The following ZNF827 variants were observed in gnomAD, a reference collection of about 807,000 sequenced individuals.
The protein encoded by ZNF827 is zinc finger protein 827.
In ZNF827, 13 loss-of-function variants were observed where a neutral mutation model predicts 102.4. The ratio of observed to expected loss-of-function variants is 0.13; its 90% confidence interval spans 0.08 to 0.20. ZNF827 has a LOEUF of 0.20. Ranked by LOEUF, ZNF827 falls within the 10% of genes least tolerant of loss-of-function variation. The probability of loss-of-function intolerance (pLI) is 1.00; values close to 1 mark genes in which losing one functional copy is unlikely to be tolerated. For missense variants in ZNF827, 1,103 were observed against 1,344.4 expected, an observed-to-expected ratio of 0.82 and a Z score of 2.81; for synonymous variants, 523 against 536.2, an observed-to-expected ratio of 0.98 and a Z score of 0.34.
At chr4:145,844,484 A>G (rs1482184867) in intron 7 of ZNF827, among the ~76,000 whole-genome samples, 1 of 151,438 alleles carries the variant, frequency 6.6e-6, no homozygotes, top group East Asian at 2.0e-4. Context: ...GTTTGAGACC[A>G]GCCTGGGCAA....
At chr4:145,932,475 A>ATTTTTT (rs59749911) in intron 1 of ZNF827, among the ~76,000 whole-genome samples, 1 of 136,310 alleles carries the variant, frequency 7.3e-6, no homozygotes, top group Admixed American at 7.2e-5. Context: ...AACTCCTTGT[A>ATTTTTT]TTTTTTTTTT....
intron 5 of ZNF827, among the ~76,000 whole-genome samples, chr4:145,867,620 C>T (rs1242114561): frequency 6.6e-6 from 1 of 152,160 alleles, no homozygotes; most frequent in Non-Finnish European, 1.5e-5. Context: ...CTTAGCTACT[C>T]CTTGGGTCAA....
At position 145,758,106 on chromosome 4, in the gene ZNF827, T is replaced by TTAA. The variant is rs561925450; in HGVS notation, c.*3507_*3509dup. ...AAAATGCTGTAGATTTTTTTCTTTA[T>TTAA]TAATAACAATAATAATATAAAAAGT... On this transcript the variant is annotated 3_prime_UTR_variant, in exon 15 of 15. Coordinates refer to ENST00000508784, the MANE Select transcript of ZNF827 (RefSeq NM_001306215.2). 10 of 152,300 alleles carry TTAA rather than the reference T, an allele frequency of 6.6e-5. No homozygotes were observed. In the East Asian group the frequency reaches 1.9e-3, roughly 29 times the overall value. The allele number at this position is 152,300 out of a possible 1,614,324, so 9.4% of individuals were successfully genotyped here.
intron 1 of ZNF827, among the ~76,000 whole-genome samples, chr4:145,919,123 G>A (rs2058821152): frequency 6.6e-6 from 1 of 152,016 alleles, no homozygotes; most frequent in Non-Finnish European, 1.5e-5. Context: ...CAGGACTGGT[G>A]GCATACTCTA....
intron 7 of ZNF827, among the ~76,000 whole-genome samples, chr4:145,845,158 T>C (rs1204574472): frequency 2.6e-5 from 4 of 152,238 alleles, no homozygotes; most frequent in Non-Finnish European, 4.4e-5. Flanking sequence ...AGAATGGTCC[T>C]TCAAAGGTGG....
intron 1 of ZNF827, among the ~76,000 whole-genome samples, chr4:145,917,311 T>C (rs1377025025): frequency 1.3e-5 from 2 of 152,166 alleles, no homozygotes; most frequent in Admixed American, 6.5e-5. Flanking sequence ...CTGAAATGTA[T>C]TGGGTTCACA....
rs190295499 is a variant in ZNF827 at position 145,834,296 on chromosome 4, A to G, written c.2280-10771T>C. 7.7e-3 allele frequency among the ~76,000 whole-genome samples: 1,168 copies of G among 152,156 alleles called. 12 individuals carry two copies. The highest frequency in any genetic ancestry group is 0.026 in the African/African-American group (1,095 of 41,540). ...CTTCCTAGTCTCTGTGCCCAGTGCA[A>G]CTTGTCCCAAATCTTCCTTCTTTCC... On this transcript the variant is annotated intron_variant, in intron 7 of 14. Transcript: ENST00000508784.
intron 7 of ZNF827, chr4:145,834,996 T>G (rs1208150687): frequency 6.6e-6 from 1 of 152,030 alleles, no homozygotes; most frequent in Non-Finnish European, 1.5e-5. Flanking sequence ...CTCCAGAACC[T>G]CCTCCCACAG....
chr4:145,870,334 T>C lies in ZNF827; in HGVS notation c.1892A>G (p.Asp631Gly). ...SEVSAPGVSE[D>G]ALKPQEGKGS... is the part of the protein sequence containing the mutation. ...CTTCCCTTCCTGGGGCTTTAGTGCG[T>C]CCTCAGAGACGCCTGGGGCTGACAC... The change falls in exon 5 of 15, where the codon GAC becomes GGC. Residue 631 changes from aspartate (D) to glycine (G), a missense_variant. Transcript: ENST00000508784. The C allele has an allele frequency of 6.2e-7, 1 of 1,614,082 alleles. No individual in the cohort carries two copies. Among genetic ancestry groups the C allele is most frequent in the Non-Finnish European group, 8.5e-7 (1 of 1,179,994 alleles).
intron 1 of ZNF827, among the ~76,000 whole-genome samples, chr4:145,909,831 C>T (rs551787094): frequency 1.3e-4 from 20 of 152,288 alleles, no homozygotes; most frequent in African/African-American, 4.6e-4. Flanking sequence ...ATCCCCCACA[C>T]CAGGTCTGCC....
chr4:145,884,297 G>A (rs1749923096), intron 4 of ZNF827, among the ~76,000 whole-genome samples: 1 of 152,170 alleles, frequency 6.6e-6, no homozygotes, highest in African/African-American at 2.4e-5. Flanking sequence ...TGGTAAGGGG[G>A]ACATTCCAAA....
At chr4:145,893,493 A>G (rs1218175742) in intron 2 of ZNF827, among the ~76,000 whole-genome samples, 1 of 152,258 alleles carries the variant, frequency 6.6e-6, no homozygotes, top group Non-Finnish European at 1.5e-5. Context: ...AAACATGTCC[A>G]AGATATTAGC....
chr4:145,896,740 G>A (rs1378717694), intron 2 of ZNF827, among the ~76,000 whole-genome samples: 1 of 152,188 alleles, frequency 6.6e-6, no homozygotes, highest in Non-Finnish European at 1.5e-5. Flanking sequence ...ACAGATAAAT[G>A]TTCGTGTACT....
chr4:145,913,061 A>G (rs1752401267), intron 1 of ZNF827, among the ~76,000 whole-genome samples: 1 of 152,156 alleles, frequency 6.6e-6, no homozygotes, highest in African/African-American at 2.4e-5. Flanking sequence ...GTGAGGCTGG[A>G]AGGACTATGA....
intron 8 of ZNF827, among the ~76,000 whole-genome samples, chr4:145,812,025 C>T (rs1413409935): frequency 6.6e-6 from 1 of 152,062 alleles, no homozygotes; most frequent in Non-Finnish European, 1.5e-5. Flanking sequence ...AGCGATTCTC[C>T]TGCCTCAGCC....
intron 2 of ZNF827, among the ~76,000 whole-genome samples, chr4:145,893,883 T>C (rs1451196159): frequency 1.3e-5 from 2 of 151,872 alleles, no homozygotes; most frequent in Non-Finnish European, 2.9e-5. Flanking sequence ...TTCTTCAACA[T>C]GTAAGTGGCA....
Position 145,917,712 on chromosome 4 carries a change from AAAAAAAAAAAAAAAG to A in ZNF827, c.44-14512_44-14498del, listed in dbSNP as rs990714298. Among the ~76,000 whole-genome samples, 62 of 146,900 alleles carry A rather than the reference AAAAAAAAAAAAAAAG, an allele frequency of 4.2e-4. 1 individual carries two copies. Among genetic ancestry groups the A allele is most frequent in the South Asian group, 4.0e-3 (19 of 4,736 alleles). ...CAAGGTAGCTGGTCAAAAAAAAAAA[AAAAAAAAAAAAAAAG>A]AAAAGAAAAAACAACATTCATATGC... On this transcript the variant is annotated intron_variant, in intron 1 of 14. Coordinates refer to ENST00000508784, the MANE Select transcript of ZNF827 (RefSeq NM_001306215.2).
chr4:145,823,914 T>C (rs572399995), intron 7 of ZNF827, among the ~76,000 whole-genome samples: 37 of 152,336 alleles, frequency 2.4e-4, no homozygotes, highest in African/African-American at 8.4e-4. Flanking sequence ...GGAATTGCCC[T>C]GGCTCACCCA....
chr4:145,885,825 T>C lies in ZNF827; in HGVS notation c.1600A>G (p.Thr534Ala), dbSNP rs1579476454. ...TCGGCAGCATTCAAAGTAAAGGAGG[T>C]GGGCAGGCCGTTATCTTCCTTGGGT... ...EEPKEDNGLP[T>A]SFTLNAADRP... The change falls in exon 4 of 15, where the codon ACC becomes GCC. Residue 534 changes from threonine (T) to alanine (A), a missense_variant. Physicochemically the swap from Thr to Ala is moderately conservative, Grantham distance 58. Coordinates refer to ENST00000508784, the MANE Select transcript of ZNF827 (RefSeq NM_001306215.2). The C allele has an allele frequency of 6.2e-7, 1 of 1,613,994 alleles. No homozygotes were observed.
Sources: allele counts gnomAD v4.1 joint callset (sites outside exome capture counted in the v4.1 genomes callset), GRCh38; gene constraint gnomAD v4.1.1; transcripts MANE v1.5; gene names NCBI Gene and HGNC (gene_info 2026-07-23, HGNC 2026-07-21).